Variants in CUL3 observed in about 807,000 individuals in gnomAD.
CUL3 encodes the protein cullin 3.
CUL3 carries 19 observed loss-of-function variants against 89.1 expected under a neutral mutation model. The ratio of observed to expected loss-of-function variants is 0.21; its 90% CI spans 0.15 to 0.31. The LOEUF (loss-of-function observed/expected upper bound fraction) is 0.31, where lower values mean the gene tolerates loss of function less well. Ranked by LOEUF, CUL3 falls within the 10% of genes least tolerant of loss-of-function variation. The pLI, the probability that CUL3 is intolerant of heterozygous loss-of-function variation, is 1.00. For missense variants in CUL3, 469 were observed against 942.3 expected, an observed-to-expected ratio of 0.50 and a Z score of 6.58; for synonymous variants, 351 against 308.4, an observed-to-expected ratio of 1.14 and a Z score of -1.45.
intron 15 of CUL3, 21 bp from the exon 16 acceptor site, chr2:224,474,397 T>A: frequency 6.2e-7 from 1 of 1,604,310 alleles, no homozygotes; most frequent in African/African-American, 1.3e-5. Context: ...AAGTAGATAG[T>A]ATTTTTATAT....
chr2:224,477,903 G>C (rs907994460), intron 15 of CUL3, among the ~76,000 whole-genome samples: 10 of 152,164 alleles, frequency 6.6e-5, no homozygotes, highest in African/African-American at 2.4e-4. Context: ...TTAATTTTTA[G>C]AAGTAAAGGG....
chr2:224,488,483 AAC>A (rs1440028167), intron 13 of CUL3, among the ~76,000 whole-genome samples: 1 of 152,222 alleles, frequency 6.6e-6, no homozygotes, highest in African/African-American at 2.4e-5. Flanking sequence ...GAATACTATA[AAC>A]ACTTTTATGC....
intron 1 of CUL3, among the ~76,000 whole-genome samples, chr2:224,576,300 A>C (rs113583047): frequency 6.6e-4 from 100 of 152,306 alleles, no homozygotes; most frequent in African/African-American, 2.4e-3. Flanking sequence ...TGAAATGTAG[A>C]CCACAGCTAG....
At position 224,471,150 on chromosome 2, in the gene CUL3, G is replaced by A. The variant is rs1691117467; in HGVS notation, c.*3095C>T. 9.3e-6 allele frequency: 2 copies of A among 214,624 alleles called. No homozygotes were observed. The highest frequency in any genetic ancestry group is 3.7e-4 in the South Asian group (2 of 5,350). 13.3% of individuals were successfully genotyped at this position (214,624 alleles called of 1,614,324 possible). Reference sequence around the variant, plus strand: ...GCTGACCTGAAATGTTTTAACATTCGTATTTACAGAATGCAAAATACTATG... The same window carrying A: ...GCTGACCTGAAATGTTTTAACATTCATATTTACAGAATGCAAAATACTATG... On this transcript the variant is annotated 3_prime_UTR_variant, in exon 16 of 16. Coordinates refer to ENST00000264414, the MANE Select transcript of CUL3 (RefSeq NM_003590.5).
intron 3 of CUL3, among the ~76,000 whole-genome samples, chr2:224,526,647 C>G (rs1693491888): frequency 6.8e-6 from 1 of 146,804 alleles, no homozygotes; most frequent in South Asian, 2.2e-4. Flanking sequence ...TATTTCTGAC[C>G]ACAGGGTCTA....
At chr2:224,565,953 C>G (rs1168692195) in intron 1 of CUL3, among the ~76,000 whole-genome samples, 1 of 152,080 alleles carries the variant, frequency 6.6e-6, no homozygotes, top group Non-Finnish European at 1.5e-5. Context: ...ATGGTGTAAC[C>G]CTTCCAGACT....
intron 2 of CUL3, among the ~76,000 whole-genome samples, chr2:224,543,808 A>T (rs561820486): frequency 6.6e-6 from 1 of 152,056 alleles, no homozygotes; most frequent in South Asian, 2.1e-4. Flanking sequence ...ACATGGCAAA[A>T]CCTCATCTCC....
chr2:224,498,332 T>G (rs1692246496), intron 11 of CUL3, among the ~76,000 whole-genome samples: 1 of 152,198 alleles, frequency 6.6e-6, no homozygotes, highest in South Asian at 2.1e-4. Context: ...CTCCCTTTGT[T>G]TTTGTTGTTC....
At chr2:224,515,175 G>A (rs189843864) in intron 3 of CUL3, among the ~76,000 whole-genome samples, 112 of 152,308 alleles carry the variant, frequency 7.4e-4, no homozygotes, top group African/African-American at 2.7e-3. Flanking sequence ...GTTGAATAAA[G>A]TACGGATTTA....
intron 3 of CUL3, among the ~76,000 whole-genome samples, chr2:224,520,376 T>C (rs1171867016): frequency 6.6e-6 from 1 of 152,206 alleles, no homozygotes; most frequent in East Asian, 1.9e-4. Flanking sequence ...TCACAGCTGG[T>C]TCTGCATCTG....
chr2:224,585,176 G>GGGCGGCGGCGGC lies in CUL3; in HGVS notation c.-179_-168dup, dbSNP rs552925358. 1.1e-5 allele frequency: 3 copies of GGGCGGCGGCGGC among 261,094 alleles called. No individual in the cohort carries two copies. Among genetic ancestry groups the GGGCGGCGGCGGC allele is most frequent in the Non-Finnish European group, 2.0e-5 (3 of 150,612 alleles). 16.2% of individuals were successfully genotyped at this position (261,094 alleles called of 1,614,324 possible). ...CCCTGGGCAGCCGCGGCGGCGGCGG[G>GGGCGGCGGCGGC]GGCGGCGGCGGCGGCGGCGGCGGCT... On this transcript the variant is annotated 5_prime_UTR_variant, in exon 1 of 16. Transcript: ENST00000264414.
intron 1 of CUL3, among the ~76,000 whole-genome samples, chr2:224,577,464 G>C (rs1695328372): frequency 6.6e-6 from 1 of 152,064 alleles, no homozygotes; most frequent in South Asian, 2.1e-4. Context: ...AGCTACCAGG[G>C]AGGCTGAGGC....
At chr2:224,505,575 A>T (rs1692569227) in intron 8 of CUL3, among the ~76,000 whole-genome samples, 1 of 152,022 alleles carries the variant, frequency 6.6e-6, no homozygotes, top group Admixed American at 6.6e-5. Context: ...ACAGGTGTAT[A>T]CCACTGTGTG....
chr2:224,513,873 A>G (rs1692935050), intron 4 of CUL3, among the ~76,000 whole-genome samples: 1 of 152,224 alleles, frequency 6.6e-6, no homozygotes, highest in African/African-American at 2.4e-5. Flanking sequence ...AAATGTCTAA[A>G]TATTTCTATG....
intron 2 of CUL3, among the ~76,000 whole-genome samples, chr2:224,542,128 A>C (rs1321928715): frequency 6.6e-6 from 1 of 152,232 alleles, no homozygotes; most frequent in Non-Finnish European, 1.5e-5. Flanking sequence ...ATGATGCCAC[A>C]AGCTTTATTC....
At chr2:224,561,701 A>T (rs1694906268) in intron 1 of CUL3, among the ~76,000 whole-genome samples, 1 of 152,234 alleles carries the variant, frequency 6.6e-6, no homozygotes, top group Admixed American at 6.5e-5. Flanking sequence ...CTTTTTAATC[A>T]GATATCCTGA....
intron 1 of CUL3, among the ~76,000 whole-genome samples, chr2:224,565,130 A>G (rs1695009716): frequency 6.6e-6 from 1 of 152,204 alleles, no homozygotes; most frequent in Non-Finnish European, 1.5e-5. Flanking sequence ...CCCAACTACT[A>G]ATAGCTTACT....
chr2:224,513,698 A>C, intron 4 of CUL3, 60 bp from the exon 5 acceptor site: 1 of 1,240,958 alleles, frequency 8.1e-7, no homozygotes, highest in Non-Finnish European at 1.1e-6. Flanking sequence ...TCACATAAAA[A>C]TTACAAAAAG....
At chr2:224,523,310 A>T (rs879797781) in intron 3 of CUL3, among the ~76,000 whole-genome samples, 4 of 152,068 alleles carry the variant, frequency 2.6e-5, no homozygotes, top group Non-Finnish European at 5.9e-5. Flanking sequence ...TGTAAGACCA[A>T]CGCCCCTGGA....
Sources: gnomAD v4.1 joint callset for allele counts (sites outside exome capture counted in the v4.1 genomes callset) on GRCh38, gnomAD v4.1.1 for gene constraint, MANE v1.5 for transcripts, NCBI Gene and HGNC (gene_info 2026-07-23, HGNC 2026-07-21) for gene names.